The following SGIP1 variants were observed in gnomAD, a reference collection of about 807,000 sequenced individuals.
SGIP1 encodes SH3-containing GRB2-like protein 3-interacting protein 1.
A neutral mutation model predicts 107.5 loss-of-function variants in SGIP1; 38 were observed. The observed-to-expected ratio is 0.35, with a 90% CI of 0.27 to 0.46. The LOEUF (loss-of-function observed/expected upper bound fraction) is 0.46. SGIP1 is among the 20% of genes least tolerant of loss of function. The probability of loss-of-function intolerance (pLI) is 1.00; values close to 1 mark genes in which losing one functional copy is unlikely to be tolerated. For synonymous variants in SGIP1, 365 were observed against 366.1 expected (o/e 1.00, Z 0.03); for missense variants, 929 against 1,019.5 (o/e 0.91, Z 1.21).
intron 3 of SGIP1, among the ~76,000 whole-genome samples, chr1:66,633,309 C>T (rs2075167803): frequency 6.6e-6 from 1 of 152,062 alleles, no homozygotes; most frequent in Non-Finnish European, 1.5e-5. Flanking sequence ...AAAACCCTGC[C>T]CCAGAGCAGG....
In SGIP1 at chr1:66,635,711, C is replaced by T. The variant is rs545256604; in HGVS notation, c.100-233C>T. On this transcript the variant is annotated intron_variant, in intron 3 of 24. Coordinates refer to ENST00000371037, the MANE Select transcript of SGIP1 (RefSeq NM_032291.4). ...GCCTGGGACATATCTTCCTCCTCCT[C>T]CCTTCTTCTCTTGGCCTAACCAAGC... Among the ~76,000 whole-genome samples the T allele has an allele frequency of 2.0e-5, 3 of 152,290 alleles. No homozygotes were observed. The South Asian group carries it at 6.2e-4, about 32-fold the overall frequency.
At chr1:66,564,229 A>C (rs1353807178) in intron 1 of SGIP1, among the ~76,000 whole-genome samples, 1 of 151,922 alleles carries the variant, frequency 6.6e-6, no homozygotes, top group East Asian at 1.9e-4. Context: ...TTTCAGAATG[A>C]CCTTCCCTAT....
chr1:66,559,467 A>C (rs1469679911), intron 1 of SGIP1, among the ~76,000 whole-genome samples: 1 of 152,082 alleles, frequency 6.6e-6, no homozygotes, highest in Non-Finnish European at 1.5e-5. Context: ...TGCTTCGAGG[A>C]AGAGAAAACT....
chr1:66,695,938 A>G (rs1371109562), intron 18 of SGIP1, among the ~76,000 whole-genome samples: 1 of 152,214 alleles, frequency 6.6e-6, no homozygotes, highest in Non-Finnish European at 1.5e-5. Context: ...TTATTGTAAA[A>G]TCTAAATATG....
chr1:66,712,746 C>G (rs116160496), intron 18 of SGIP1, among the ~76,000 whole-genome samples: 3,449 of 152,128 alleles, frequency 0.023, 130 homozygotes, highest in African/African-American at 0.08. Context: ...TGTCATACTT[C>G]TGTTAAGAAT....
intron 1 of SGIP1, among the ~76,000 whole-genome samples, chr1:66,586,702 A>G (rs546780667): frequency 1.8e-3 from 281 of 152,226 alleles, no homozygotes; most frequent in African/African-American, 6.2e-3. Context: ...TAAACAACCA[A>G]AAATAATTTA....
At chr1:66,556,522 C>T (rs2058197174) in intron 1 of SGIP1, among the ~76,000 whole-genome samples, 1 of 152,116 alleles carries the variant, frequency 6.6e-6, no homozygotes, top group South Asian at 2.1e-4. Context: ...CGTGTGCAGA[C>T]TTGCTTCCAG....
At chr1:66,575,268 A>G (rs2060905537) in intron 1 of SGIP1, among the ~76,000 whole-genome samples, 1 of 152,174 alleles carries the variant, frequency 6.6e-6, no homozygotes, top group Non-Finnish European at 1.5e-5. Context: ...TGAATTTCCA[A>G]TAAGACTGCC....
At chr1:66,617,150 A>G (rs971936055) in intron 1 of SGIP1, among the ~76,000 whole-genome samples, 3 of 152,218 alleles carry the variant, frequency 2.0e-5, no homozygotes, top group Admixed American at 6.5e-5. Context: ...CATTTTGGTT[A>G]GAATTGCAAA....
intron 15 of SGIP1, among the ~76,000 whole-genome samples, chr1:66,686,389 A>C (rs1571825205): frequency 6.6e-6 from 1 of 152,184 alleles, no homozygotes; most frequent in Non-Finnish European, 1.5e-5. Context: ...CACAAAACTC[A>C]GTGTATTTTG....
chr1:66,645,227 A>G (rs1453559754), intron 7 of SGIP1, among the ~76,000 whole-genome samples: 2 of 152,208 alleles, frequency 1.3e-5, no homozygotes, highest in African/African-American at 2.4e-5. Flanking sequence ...GTGAAAGCAA[A>G]TGTACCGGCA....
chr1:66,583,687 A>C (rs1052197166), intron 1 of SGIP1, among the ~76,000 whole-genome samples: 6 of 151,976 alleles, frequency 3.9e-5, no homozygotes, highest in African/African-American at 1.4e-4. Context: ...TCCCTCCTAC[A>C]TCCGAATTAG....
At chr1:66,550,803 A>G (rs2057290037) in intron 1 of SGIP1, among the ~76,000 whole-genome samples, 1 of 152,144 alleles carries the variant, frequency 6.6e-6, no homozygotes, top group Admixed American at 6.5e-5. Flanking sequence ...TGGCTCAAAT[A>G]TTTAGGACTT....
intron 15 of SGIP1, among the ~76,000 whole-genome samples, chr1:66,688,691 C>T (rs1355847481): frequency 6.6e-6 from 1 of 152,210 alleles, no homozygotes; most frequent in Admixed American, 6.5e-5. Context: ...CTCTTAACCA[C>T]ATTTAAAGAA....
intron 7 of SGIP1, among the ~76,000 whole-genome samples, chr1:66,650,360 C>G (rs13376692): frequency 0.13 from 19,519 of 152,110 alleles, 1,290 homozygotes; most frequent in African/African-American, 0.14. Flanking sequence ...TTATTTCTAA[C>G]TCCCCCTTCA....
At chr1:66,587,452 T>G (rs1480274299) in intron 1 of SGIP1, among the ~76,000 whole-genome samples, 1 of 152,116 alleles carries the variant, frequency 6.6e-6, no homozygotes, top group Non-Finnish European at 1.5e-5. Context: ...TTTCTGTTAT[T>G]GAGCCATCCA....
At chr1:66,598,369 T>G (rs2065122239) in intron 1 of SGIP1, among the ~76,000 whole-genome samples, 1 of 152,138 alleles carries the variant, frequency 6.6e-6, no homozygotes, top group South Asian at 2.1e-4. Context: ...TAATTTAAAT[T>G]TTAGCTTTGG....
chr1:66,690,345 G>A lies in SGIP1; in HGVS notation c.1570+29G>A, dbSNP rs41309145. The A allele has an allele frequency of 7.2e-4, 1,162 of 1,612,424 alleles. 1 individual carries two copies. In the Middle Eastern group the frequency reaches 0.01, roughly 14 times the overall value. On this transcript the variant is annotated intron_variant, in intron 17 of 24. Transcript: ENST00000371037. ...AAAATTCTCTCCTCTCTTTTAATCC[G>A]TTTGTGGTTTTGACTGGCTATTTTT...
At chr1:66,640,991 C>T (rs2076686485) in intron 5 of SGIP1, among the ~76,000 whole-genome samples, 1 of 151,940 alleles carries the variant, frequency 6.6e-6, no homozygotes, top group Non-Finnish European at 1.5e-5. Context: ...GCTGAGATCG[C>T]ACCACTGCAC....
Sources: gnomAD v4.1 joint callset for allele counts (sites outside exome capture counted in the v4.1 genomes callset) on GRCh38, gnomAD v4.1.1 for gene constraint, MANE v1.5 for transcripts, NCBI Gene and HGNC (gene_info 2026-07-23, HGNC 2026-07-21) for gene names.